The following CNTNAP2 variants were observed in gnomAD, a reference collection of about 807,000 sequenced individuals.
CNTNAP2 encodes contactin-associated protein-like 2.
A neutral mutation model predicts 155.2 loss-of-function variants in CNTNAP2; 98 were observed. That is an observed-to-expected ratio of 0.63 (90% CI 0.54 to 0.75). The LOEUF (loss-of-function observed/expected upper bound fraction) is 0.75, where lower values mean the gene tolerates loss of function less well. CNTNAP2 is among the 30% of genes least tolerant of loss of function. CNTNAP2 has a pLI of 0.00. For synonymous variants in CNTNAP2, 651 were observed against 631.2 expected (o/e 1.03, Z -0.47); for missense variants, 1,727 against 1,688.1 (o/e 1.02, Z -0.40).
chr7:146,882,900 C>T (rs1439352557), intron 3 of CNTNAP2, among the ~76,000 whole-genome samples: 1 of 152,124 alleles, frequency 6.6e-6, no homozygotes, highest in Non-Finnish European at 1.5e-5. Context: ...AACCATAAAA[C>T]ACTGCTGAAA....
chr7:147,578,800 C>T (rs760380438), intron 12 of CNTNAP2, among the ~76,000 whole-genome samples: 1 of 151,828 alleles, frequency 6.6e-6, no homozygotes, highest in Non-Finnish European at 1.5e-5. Flanking sequence ...ACTTTAAAAC[C>T]CTGTGTATTA....
intron 13 of CNTNAP2, among the ~76,000 whole-genome samples, chr7:147,835,974 C>T (rs1798626825): frequency 6.6e-6 from 1 of 152,148 alleles, no homozygotes. Context: ...CTGAGGCCTC[C>T]ATTGTGGACT....
At chr7:146,937,658 T>C (rs182994099) in intron 3 of CNTNAP2, among the ~76,000 whole-genome samples, 23 of 152,292 alleles carry the variant, frequency 1.5e-4, no homozygotes, top group Non-Finnish European at 2.5e-4. Context: ...GAAACTTCCA[T>C]TGGCTCTTGC....
intron 1 of CNTNAP2, among the ~76,000 whole-genome samples, chr7:146,568,214 C>T (rs935769204): frequency 6.6e-6 from 1 of 152,106 alleles, no homozygotes; most frequent in Non-Finnish European, 1.5e-5. Flanking sequence ...TGATGAAAGG[C>T]TGAAACCACA....
chr7:147,343,074 CAT>C (rs1795791745), intron 9 of CNTNAP2, among the ~76,000 whole-genome samples: 1 of 152,060 alleles, frequency 6.6e-6, no homozygotes, highest in Non-Finnish European at 1.5e-5. Flanking sequence ...GCAATCAATA[CAT>C]GTTTGTTGAA....
chr7:147,198,288 A>G (rs971992640), intron 8 of CNTNAP2, among the ~76,000 whole-genome samples: 1 of 135,874 alleles, frequency 7.4e-6, no homozygotes, highest in East Asian at 2.3e-4. Context: ...CTAGAGTGCA[A>G]TGGTGTGATC....
intron 1 of CNTNAP2, among the ~76,000 whole-genome samples, chr7:146,746,263 A>G (rs951393836): frequency 3.9e-5 from 6 of 152,236 alleles, no homozygotes; most frequent in Non-Finnish European, 8.8e-5. Context: ...GACAGTTTCA[A>G]TGAACATCAG....
intron 1 of CNTNAP2, among the ~76,000 whole-genome samples, chr7:146,133,100 C>G (rs1797741865): frequency 6.7e-6 from 1 of 149,522 alleles, no homozygotes; most frequent in Admixed American, 6.6e-5. Flanking sequence ...TTAATGATTG[C>G]CATTCTAACT....
intron 9 of CNTNAP2, among the ~76,000 whole-genome samples, chr7:147,316,395 C>T (rs1795234255): frequency 6.6e-6 from 1 of 152,016 alleles, no homozygotes. Flanking sequence ...AAATAAGACA[C>T]TGGATAATGA....
chr7:146,878,156 A>G (rs1351539694), intron 3 of CNTNAP2, among the ~76,000 whole-genome samples: 1 of 152,062 alleles, frequency 6.6e-6, no homozygotes, highest in Non-Finnish European at 1.5e-5. Flanking sequence ...TGAGTGGTAG[A>G]TATCTTCTAT....
chr7:147,401,626 T>G (rs185943609), intron 10 of CNTNAP2, among the ~76,000 whole-genome samples: 295 of 152,312 alleles, frequency 1.9e-3, no homozygotes, highest in African/African-American at 6.9e-3. Context: ...CAAGTTGATT[T>G]GTAATCACCA....
intron 13 of CNTNAP2, among the ~76,000 whole-genome samples, chr7:147,744,379 G>T (rs771096405): frequency 2.0e-5 from 3 of 152,130 alleles, no homozygotes; most frequent in Admixed American, 6.5e-5. Flanking sequence ...CCATCTGTTG[G>T]TTGATAAAGA....
intron 14 of CNTNAP2, among the ~76,000 whole-genome samples, chr7:147,936,586 A>G (rs1563140892): frequency 6.6e-6 from 1 of 152,168 alleles, no homozygotes; most frequent in African/African-American, 2.4e-5. Flanking sequence ...AAATGACTAC[A>G]TGTATTCATT....
chr7:146,927,223 A>T (rs1796626279), intron 3 of CNTNAP2, among the ~76,000 whole-genome samples: 1 of 152,202 alleles, frequency 6.6e-6, no homozygotes, highest in Admixed American at 6.5e-5. Flanking sequence ...CTGATGAGTT[A>T]TAACCTTGAA....
chr7:146,451,137 G>A (rs1177555806), intron 1 of CNTNAP2, among the ~76,000 whole-genome samples: 3 of 151,986 alleles, frequency 2.0e-5, no homozygotes, highest in Admixed American at 1.3e-4. Context: ...TAGTACAGAC[G>A]GGGTTTCACC....
chr7:146,468,109 T>C (rs1204343811), intron 1 of CNTNAP2, among the ~76,000 whole-genome samples: 1 of 152,164 alleles, frequency 6.6e-6, no homozygotes, highest in Non-Finnish European at 1.5e-5. Context: ...GAAAGCATAA[T>C]ATTAGACATC....
intron 15 of CNTNAP2, among the ~76,000 whole-genome samples, chr7:147,985,331 C>T (rs940729473): frequency 7.9e-5 from 12 of 151,262 alleles, no homozygotes; most frequent in Non-Finnish European, 1.8e-4. Context: ...CTTGGTTCTC[C>T]ACATGTACAT....
chr7:146,336,939 A>G (rs1415155691), intron 1 of CNTNAP2, among the ~76,000 whole-genome samples: 1 of 152,196 alleles, frequency 6.6e-6, no homozygotes, highest in Non-Finnish European at 1.5e-5. Flanking sequence ...CCATGGCTGT[A>G]GTGCAGGGAG....
chr7:148,199,429 T>C (rs551785207), intron 18 of CNTNAP2, among the ~76,000 whole-genome samples: 26 of 152,318 alleles, frequency 1.7e-4, no homozygotes, highest in African/African-American at 5.5e-4. Context: ...CCAGAGGTAA[T>C]ACCCAGAAAC....
Sources: gnomAD v4.1 joint callset for allele counts (sites outside exome capture counted in the v4.1 genomes callset) on GRCh38, gnomAD v4.1.1 for gene constraint, MANE v1.5 for transcripts, NCBI Gene and HGNC (gene_info 2026-07-23, HGNC 2026-07-21) for gene names.